The following TMPRSS3 variants were observed in gnomAD, a reference collection of about 807,000 sequenced individuals.
TMPRSS3 encodes transmembrane serine protease 3.
In TMPRSS3, 55 loss-of-function variants were observed where a neutral mutation model predicts 59.6. That is an observed-to-expected ratio of 0.92 (90% CI 0.74 to 1.16). TMPRSS3 has a LOEUF of 1.16. Among genes scored for constraint, TMPRSS3 ranks in the 50% most tolerant of loss-of-function variants. The probability of loss-of-function intolerance (pLI) is 0.00; values close to 1 mark genes in which losing one functional copy is unlikely to be tolerated. For synonymous variants in TMPRSS3, 257 were observed against 237.7 expected, an observed-to-expected ratio of 1.08 and a Z score of -0.75; for missense variants, 596 against 579.4, an observed-to-expected ratio of 1.03 and a Z score of -0.29.
At chr21:42,381,529 G>A (rs537876869) in intron 9 of TMPRSS3, among the ~76,000 whole-genome samples, 2 of 152,330 alleles carry the variant, frequency 1.3e-5, no homozygotes, top group South Asian at 4.1e-4. Flanking sequence ...AGTGCTCTTT[G>A]TCCCTACAGA....
At position 42,380,188 on chromosome 21, in the gene TMPRSS3, G is replaced by T; in HGVS notation, c.977C>A (p.Pro326His). ...ATCGGGGAAGTTCTCTTCAGAGTTG[G>T]GCAGGCACACAGGCTGGATCATTTC... ...FNEMIQPVCL[P>H]NSEENFPDGK... The change falls in exon 10 of 13, where the codon CCC becomes CAC. Residue 326 changes from proline (P) to histidine (H), a missense_variant. Coordinates refer to ENST00000644384, the MANE Select transcript of TMPRSS3 (RefSeq NM_001256317.3). 6.2e-7 allele frequency: 1 copy of T among 1,614,070 alleles called. No individual in the cohort carries two copies. The highest frequency in any genetic ancestry group is 8.5e-7 in the Non-Finnish European group (1 of 1,179,988).
chr21:42,374,207 G>A (rs1354121581), intron 12 of TMPRSS3, among the ~76,000 whole-genome samples: 1 of 152,200 alleles, frequency 6.6e-6, no homozygotes, highest in Non-Finnish European at 1.5e-5. Context: ...AGCATAGCAG[G>A]CCACTCAGTG....
intron 5 of TMPRSS3, among the ~76,000 whole-genome samples, chr21:42,387,687 GA>G (rs1165054543): frequency 2.0e-5 from 3 of 152,166 alleles, no homozygotes; most frequent in Non-Finnish European, 4.4e-5. Context: ...GTGCAAAGCA[GA>G]ATGCAGCCTG....
chr21:42,372,848 C>A (rs1313108141), intron 12 of TMPRSS3, 69 bp from the exon 13 acceptor site: 4 of 1,571,202 alleles, frequency 2.5e-6, no homozygotes, highest in Non-Finnish European at 2.6e-6. Flanking sequence ...GATGACGGAG[C>A]GGGCACCTGC....
intron 9 of TMPRSS3, 120 bp downstream of exon 9, chr21:42,381,945 G>A (rs1039859592): frequency 4.6e-6 from 6 of 1,309,084 alleles, no homozygotes; most frequent in Non-Finnish European, 6.6e-6. Flanking sequence ...TCAGGAGTTG[G>A]AATTATTAAT....
intron 2 of TMPRSS3, among the ~76,000 whole-genome samples, chr21:42,391,025 C>G (rs987508575): frequency 2.0e-5 from 3 of 152,120 alleles, no homozygotes; most frequent in African/African-American, 7.2e-5. Context: ...TTAAGTCACC[C>G]AGTTTTGGGG....
rs1173732825 is a variant in TMPRSS3, at chr21:42,372,561, A to T, written c.*201T>A. On this transcript the variant is annotated 3_prime_UTR_variant, in exon 13 of 13. Coordinates refer to ENST00000644384, the MANE Select transcript of TMPRSS3 (RefSeq NM_001256317.3). ...GGCAACAGAGCGAGACTCCATCTCA[A>T]AAAAACAAAAAACAAAAAGCAGCTT... is the stretch of plus-strand genomic sequence containing the variant. The T allele has an allele frequency of 1.4e-6, 1 of 719,756 alleles. No homozygotes were observed. Among genetic ancestry groups the T allele is most frequent in the East Asian group, 2.7e-5 (1 of 36,610 alleles). 44.6% of individuals were successfully genotyped at this position (719,756 alleles called of 1,614,324 possible). A position where few individuals can be genotyped will look rare whatever the true frequency, so the allele number is the denominator to read the frequency against.
chr21:42,391,472 C>T (rs1429056839), intron 2 of TMPRSS3, among the ~76,000 whole-genome samples: 1 of 152,184 alleles, frequency 6.6e-6, no homozygotes, highest in African/African-American at 2.4e-5. Flanking sequence ...GATAGCGTCT[C>T]CCTCCAGAGC....
chr21:42,379,111 C>T (rs980068707), intron 10 of TMPRSS3, among the ~76,000 whole-genome samples: 4 of 151,352 alleles, frequency 2.6e-5, no homozygotes, highest in Admixed American at 6.6e-5. Flanking sequence ...TCTCAAACTC[C>T]TGAACCTCAA....
chr21:42,389,919 G>T lies in TMPRSS3; in HGVS notation c.205+8C>A, dbSNP rs767215131. 1 of 1,595,394 alleles carries T rather than the reference G, an allele frequency of 6.3e-7. No homozygotes were observed. The highest frequency in any genetic ancestry group is 1.7e-5 in the Admixed American group (1 of 60,002). On this transcript the variant is annotated splice_region_variant and intron_variant, in intron 3 of 12. Coordinates refer to ENST00000644384, the MANE Select transcript of TMPRSS3 (RefSeq NM_001256317.3). ...TTGAGATCCTACTAAATAATGAATT[G>T]TACTCACTGCCCAGACCAATGGCCA...
At chr21:42,376,440 T>C in intron 11 of TMPRSS3, 101 bp downstream of exon 11, 1 of 1,541,710 alleles carries the variant, frequency 6.5e-7, no homozygotes, top group Non-Finnish European at 8.8e-7. Context: ...CCACGCCCTG[T>C]AAATTTACTT....
chr21:42,395,497 G>C lies in TMPRSS3; in HGVS notation c.-51-29C>G, dbSNP rs768500859. The C allele has an allele frequency of 2.8e-5, 35 of 1,239,698 alleles. No individual in the cohort carries two copies. The African/African-American group carries it at 4.7e-4, about 17-fold the overall frequency. The allele number at this position is 1,239,698 out of a possible 1,614,324, so 76.8% of individuals were successfully genotyped here. ...AGCCGAGGAAGAACAGAAAGCATTTGTTCCCCTATTTATACTTGTAGCATC... is the reference window on the plus strand; with the variant it reads ...AGCCGAGGAAGAACAGAAAGCATTTCTTCCCCTATTTATACTTGTAGCATC... On this transcript the variant is annotated intron_variant, in intron 1 of 12. Transcript: ENST00000644384.
intron 12 of TMPRSS3, among the ~76,000 whole-genome samples, chr21:42,374,210 A>T (rs2052382205): frequency 6.6e-6 from 1 of 152,158 alleles, no homozygotes; most frequent in Non-Finnish European, 1.5e-5. Context: ...ATAGCAGGCC[A>T]CTCAGTGCCT....
At chr21:42,382,824 T>C (rs2052556323) in intron 8 of TMPRSS3, 2 of 644,334 alleles carry the variant, frequency 3.1e-6, no homozygotes, top group Non-Finnish European at 5.5e-6. Flanking sequence ...GGAGCTACAA[T>C]CCTTAAAACA....
chr21:42,374,649 G>C (rs1032670156), intron 12 of TMPRSS3, among the ~76,000 whole-genome samples: 2 of 152,092 alleles, frequency 1.3e-5, no homozygotes, highest in Non-Finnish European at 2.9e-5. Flanking sequence ...AGAATGCTGG[G>C]AACTGACAAA....
At chr21:42,395,734 G>C in intron 1 of TMPRSS3, 1 of 392,634 alleles carries the variant, frequency 2.5e-6, no homozygotes, top group Non-Finnish European at 4.8e-6. Context: ...CCCATTGTTT[G>C]TCCAACCAAT....
chr21:42,387,355 G>A (rs1056442817), intron 5 of TMPRSS3, among the ~76,000 whole-genome samples: 1 of 142,608 alleles, frequency 7.0e-6, no homozygotes, highest in African/African-American at 2.8e-5. Flanking sequence ...CAATGGGGAA[G>A]CTCTCAGCTG....
At chr21:42,382,032 G>A in intron 9 of TMPRSS3, 33 bp downstream of exon 9, 2 of 1,614,158 alleles carry the variant, frequency 1.2e-6, no homozygotes, top group Non-Finnish European at 1.7e-6. Flanking sequence ...AACAAAGGAA[G>A]AGCTGCAGAA....
In TMPRSS3 at chr21:42,389,873, T is replaced by C; in HGVS notation, c.205+54A>G. 2.2e-6 allele frequency: 3 copies of C among 1,383,514 alleles called. No individual in the cohort carries two copies. The South Asian group carries it at 3.5e-5, about 16-fold the overall frequency. 85.7% of individuals were successfully genotyped at this position (1,383,514 alleles called of 1,614,324 possible). On this transcript the variant is annotated intron_variant, in intron 3 of 12. Coordinates refer to ENST00000644384, the MANE Select transcript of TMPRSS3 (RefSeq NM_001256317.3). The stretch of plus-strand genomic sequence containing the variant: ...GGATGAGAGGGGGCGCTCATGAAAG[T>C]TTAACTACTTGGCTAGGTATTTGAG...
Sources: allele counts gnomAD v4.1 joint callset (sites outside exome capture counted in the v4.1 genomes callset), GRCh38; gene constraint gnomAD v4.1.1; transcripts MANE v1.5; gene names NCBI Gene and HGNC (gene_info 2026-07-23, HGNC 2026-07-21).